The following SIAH3 variants were observed in gnomAD, a reference collection of about 807,000 sequenced individuals.
SIAH3 encodes siah E3 ubiquitin protein ligase family member 3.
A neutral mutation model predicts 12.6 loss-of-function variants in SIAH3; 9 were observed. The ratio of observed to expected loss-of-function variants is 0.72; its 90% confidence interval spans 0.43 to 1.25. The LOEUF (loss-of-function observed/expected upper bound fraction) is 1.25, where lower values mean the gene tolerates loss of function less well. Among genes scored for constraint, SIAH3 ranks in the 50% most tolerant of loss-of-function variants. SIAH3 has a pLI of 0.00. For missense variants in SIAH3, 390 were observed against 365.4 expected (o/e 1.07, Z -0.55); for synonymous variants, 154 against 151.1 (o/e 1.02, Z -0.14).
chr13:45,835,110 C>T (rs893621601), intron 1 of SIAH3, among the ~76,000 whole-genome samples: 1 of 152,184 alleles, frequency 6.6e-6, no homozygotes, highest in Admixed American at 6.6e-5. Flanking sequence ...TCTCCCACCA[C>T]CTCCCAAACC....
chr13:45,794,166 C>T (rs1280837968), intron 1 of SIAH3, among the ~76,000 whole-genome samples: 2 of 151,382 alleles, frequency 1.3e-5, no homozygotes, highest in South Asian at 2.1e-4. Flanking sequence ...GATCTTGGCT[C>T]ACTGCAACCT....
At chr13:45,795,825 C>T (rs1312785725) in intron 1 of SIAH3, among the ~76,000 whole-genome samples, 3 of 152,176 alleles carry the variant, frequency 2.0e-5, no homozygotes, top group Non-Finnish European at 4.4e-5. Context: ...ATCTAAAAAT[C>T]ACCTAAATGT....
At position 45,782,527 on chromosome 13, in the gene SIAH3, G is replaced by T. The variant is rs571738478; in HGVS notation, c.*856C>A. The T allele has an allele frequency of 1.3e-5, 2 of 152,294 alleles. No individual in the cohort carries two copies. Among genetic ancestry groups the T allele is most frequent in the East Asian group, 1.9e-4 (1 of 5,180 alleles). 9.4% of individuals were successfully genotyped at this position (152,294 alleles called of 1,614,324 possible). ...AGGGAGTGCCCTCTCAGAGATGGGA[G>T]ATTAATTTTATGTTCTCTTTTTCCT... is the stretch of plus-strand genomic sequence containing the variant. On this transcript the variant is annotated 3_prime_UTR_variant, in exon 2 of 2. Coordinates refer to ENST00000400405, the MANE Select transcript of SIAH3 (RefSeq NM_198849.3).
At chr13:45,837,381 A>T (rs1231476579) in intron 1 of SIAH3, among the ~76,000 whole-genome samples, 1 of 151,922 alleles carries the variant, frequency 6.6e-6, no homozygotes, top group African/African-American at 2.4e-5. Context: ...TTTCTAACTT[A>T]CTCATCAAAT....
In SIAH3 at chr13:45,783,266, AAATT is replaced by A; in HGVS notation, c.*113_*116del. On this transcript the variant is annotated 3_prime_UTR_variant, in exon 2 of 2. Transcript: ENST00000400405. ...GAGACAAAAAAATAATAATAATTAA[AAATT>A]AAAAAAAAAAAAAAGAAAGGAGAAG... 2 of 680,484 alleles carry A rather than the reference AAATT, an allele frequency of 2.9e-6. No homozygotes were observed. Among genetic ancestry groups the A allele is most frequent in the Non-Finnish European group, 4.3e-6 (2 of 470,544 alleles). 42.2% of individuals were successfully genotyped at this position (680,484 alleles called of 1,614,324 possible). A position where few individuals can be genotyped will look rare whatever the true frequency, so the allele number is the denominator to read the frequency against.
chr13:45,815,693 G>C (rs1276415755), intron 1 of SIAH3, among the ~76,000 whole-genome samples: 1 of 152,184 alleles, frequency 6.6e-6, no homozygotes, highest in Non-Finnish European at 1.5e-5. Flanking sequence ...ATGCTTCCCA[G>C]ATCTTCCTGA....
intron 1 of SIAH3, among the ~76,000 whole-genome samples, chr13:45,844,650 A>G (rs1343331440): frequency 6.6e-6 from 1 of 152,220 alleles, no homozygotes; most frequent in African/African-American, 2.4e-5. Context: ...ATCCATATAC[A>G]TACATATCTT....
intron 1 of SIAH3, among the ~76,000 whole-genome samples, chr13:45,842,911 T>A (rs1253399292): frequency 1.3e-5 from 2 of 152,178 alleles, no homozygotes; most frequent in Non-Finnish European, 2.9e-5. Flanking sequence ...GTTCTTCCAC[T>A]GTGCTGGGGA....
At position 45,816,574 on chromosome 13, in the gene SIAH3, C is replaced by T. The variant is rs1376838069; in HGVS notation, c.136-32517G>A. Among the ~76,000 whole-genome samples the T allele has an allele frequency of 5.9e-5, 9 of 152,338 alleles. No individual in the cohort carries two copies. The South Asian group carries it at 1.9e-3, about 32-fold the overall frequency. On this transcript the variant is annotated intron_variant, in intron 1 of 1. Coordinates refer to ENST00000400405, the MANE Select transcript of SIAH3 (RefSeq NM_198849.3). ...GTCAACATAGCGCTCCCAACTTCAG[C>T]CCCTCGGGCGTGCCCCACAACCACA...
chr13:45,814,986 G>C lies in SIAH3; in HGVS notation c.136-30929C>G, dbSNP rs551148745. Among the ~76,000 whole-genome samples, 4 of 152,126 alleles carry C rather than the reference G, an allele frequency of 2.6e-5. No individual in the cohort carries two copies. The South Asian group carries it at 8.3e-4, about 32-fold the overall frequency. On this transcript the variant is annotated intron_variant, in intron 1 of 1. Transcript: ENST00000400405. ...GATCTGCCTGCCTTGGCCTCCCAAAGTGCTGGGATTACAGGCATGAGCCAC... is the reference window on the plus strand; with the variant it reads ...GATCTGCCTGCCTTGGCCTCCCAAACTGCTGGGATTACAGGCATGAGCCAC...
intron 1 of SIAH3, among the ~76,000 whole-genome samples, chr13:45,798,552 A>G (rs1299926391): frequency 6.6e-6 from 1 of 152,200 alleles, no homozygotes; most frequent in African/African-American, 2.4e-5. Context: ...AATATAATCA[A>G]ATGGGAGGTA....
intron 1 of SIAH3, among the ~76,000 whole-genome samples, chr13:45,834,047 C>T (rs1480467020): frequency 2.0e-5 from 3 of 151,574 alleles, no homozygotes; most frequent in Admixed American, 6.6e-5. Context: ...CCCTTCCATT[C>T]TGTACCATTC....
intron 1 of SIAH3, among the ~76,000 whole-genome samples, chr13:45,846,120 G>C (rs931119673): frequency 9.4e-6 from 1 of 106,606 alleles, no homozygotes; most frequent in African/African-American, 4.7e-5. Context: ...ACGGAGTTTC[G>C]CTCTTGTTGC....
chr13:45,801,441 A>G (rs1353349085), intron 1 of SIAH3, among the ~76,000 whole-genome samples: 5 of 152,174 alleles, frequency 3.3e-5, no homozygotes, highest in Non-Finnish European at 7.4e-5. Flanking sequence ...GGAAGGTGCA[A>G]TCAGATTACA....
At chr13:45,828,334 G>A (rs1847343112) in intron 1 of SIAH3, among the ~76,000 whole-genome samples, 1 of 152,134 alleles carries the variant, frequency 6.6e-6, no homozygotes, top group African/African-American at 2.4e-5. Context: ...AACTCTTTGA[G>A]GGGCATGGTG....
intron 1 of SIAH3, among the ~76,000 whole-genome samples, chr13:45,827,644 G>A (rs955553613): frequency 6.6e-6 from 1 of 152,054 alleles, no homozygotes; most frequent in Non-Finnish European, 1.5e-5. Flanking sequence ...TTGCTCCCAG[G>A]ACAGACTAAT....
At chr13:45,805,785 CA>C (rs1231915410) in intron 1 of SIAH3, among the ~76,000 whole-genome samples, 11 of 152,230 alleles carry the variant, frequency 7.2e-5, no homozygotes, top group Middle Eastern at 3.4e-3. Context: ...ACAGGCTAAA[CA>C]GACAATTTAT....
At chr13:45,849,204 T>C (rs1950770953) in intron 1 of SIAH3, among the ~76,000 whole-genome samples, 1 of 152,184 alleles carries the variant, frequency 6.6e-6, no homozygotes. Flanking sequence ...GAGGGGGCAT[T>C]AGCAGCACTC....
At chr13:45,813,810 A>G (rs1950624364) in intron 1 of SIAH3, among the ~76,000 whole-genome samples, 1 of 152,046 alleles carries the variant, frequency 6.6e-6, no homozygotes, top group Non-Finnish European at 1.5e-5. Flanking sequence ...TCTCTTCTTA[A>G]AAGGACACTA....
Sources: gnomAD v4.1 joint callset for allele counts (sites outside exome capture counted in the v4.1 genomes callset) on GRCh38, gnomAD v4.1.1 for gene constraint, MANE v1.5 for transcripts, NCBI Gene and HGNC (gene_info 2026-07-23, HGNC 2026-07-21) for gene names.